SEMA3D: variants seen among roughly 807,000 people sequenced by gnomAD.
SEMA3D encodes semaphorin 3D.
Under a neutral mutation model 100.1 loss-of-function variants are expected in SEMA3D, and 84 were observed. The ratio of observed to expected loss-of-function variants is 0.84; its 90% confidence interval spans 0.70 to 1.01. SEMA3D has a LOEUF of 1.01. Among genes scored for constraint, SEMA3D ranks in the 50% least tolerant of loss-of-function variants. The pLI, the probability that SEMA3D is intolerant of heterozygous loss-of-function variation, is 0.00. For synonymous variants in SEMA3D, 312 were observed against 320.7 expected (o/e 0.97, Z 0.29); for missense variants, 875 against 934.1 (o/e 0.94, Z 0.82).
At position 84,996,770 on chromosome 7, in the gene SEMA3D, G is replaced by A. The variant is rs969396884; in HGVS notation, c.*2670C>T. On this transcript the variant is annotated 3_prime_UTR_variant, in exon 19 of 19. Transcript: ENST00000284136. ...AAACAGGCATTTTAAGATCCCCTCC[G>A]CAGAGTCAATTTCTTAGCATATTTG... 1.3e-5 allele frequency: 2 copies of A among 151,860 alleles called. No individual in the cohort carries two copies. The highest frequency in any genetic ancestry group is 4.8e-5 in the African/African-American group (2 of 41,390). 9.4% of individuals were successfully genotyped at this position (151,860 alleles called of 1,614,324 possible).
intron 1 of SEMA3D, among the ~76,000 whole-genome samples, chr7:85,179,255 A>G (rs1791327905): frequency 6.6e-6 from 1 of 152,188 alleles, no homozygotes; most frequent in African/African-American, 2.4e-5. Flanking sequence ...TCAAGACTCC[A>G]GAATGGTAGA....
At chr7:85,109,153 C>T (rs1789016462) in intron 3 of SEMA3D, among the ~76,000 whole-genome samples, 1 of 151,804 alleles carries the variant, frequency 6.6e-6, no homozygotes, top group Non-Finnish European at 1.5e-5. Flanking sequence ...TGGTTTGTAA[C>T]ATCTGAGGAA....
At chr7:85,081,447 C>T (rs892123765) in intron 5 of SEMA3D, 70 bp downstream of exon 5, 11 of 983,414 alleles carry the variant, frequency 1.1e-5, no homozygotes, top group Middle Eastern at 2.1e-4. Flanking sequence ...TTCAGTAAAG[C>T]CCAATATAAA....
intron 2 of SEMA3D, among the ~76,000 whole-genome samples, chr7:85,147,269 A>G (rs1378703684): frequency 6.6e-6 from 1 of 150,932 alleles, no homozygotes; most frequent in African/African-American, 2.4e-5. Flanking sequence ...TGCCCGGCTA[A>G]TTTTGTATTT....
At chr7:85,107,722 C>T (rs75899641) in intron 3 of SEMA3D, among the ~76,000 whole-genome samples, 2,137 of 151,956 alleles carry the variant, frequency 0.014, 52 homozygotes, top group African/African-American at 0.048. Flanking sequence ...CTCTTCTTTC[C>T]TCTGTTTATA....
chr7:85,088,856 T>C (rs1359177037), intron 4 of SEMA3D, among the ~76,000 whole-genome samples: 1 of 152,202 alleles, frequency 6.6e-6, no homozygotes, highest in Non-Finnish European at 1.5e-5. Flanking sequence ...ATGATTTTTC[T>C]GCATGAAGCC....
chr7:85,239,572 A>T, the SEMA3D span, among the ~76,000 whole-genome samples: 1 of 152,200 alleles, frequency 6.6e-6, no homozygotes, highest in Non-Finnish European at 1.5e-5. Context: ...CTGAGAGTCG[A>T]CATTTCTATG....
At chr7:85,070,105 T>C (rs1791731340) in intron 6 of SEMA3D, among the ~76,000 whole-genome samples, 1 of 152,220 alleles carries the variant, frequency 6.6e-6, no homozygotes, top group Admixed American at 6.5e-5. Flanking sequence ...TTATACAGTA[T>C]GCATACAGCC....
At chr7:85,064,025 A>G (rs1408549573) in intron 8 of SEMA3D, among the ~76,000 whole-genome samples, 1 of 152,186 alleles carries the variant, frequency 6.6e-6, no homozygotes, top group Non-Finnish European at 1.5e-5. Flanking sequence ...TTCTTCATAC[A>G]GTACTAAAAA....
intron 2 of SEMA3D, among the ~76,000 whole-genome samples, chr7:85,137,615 C>A (rs956050793): frequency 6.6e-6 from 1 of 152,058 alleles, no homozygotes; most frequent in African/African-American, 2.4e-5. Context: ...GTATTCTGGA[C>A]TTGACCCATA....
the SEMA3D span, among the ~76,000 whole-genome samples, chr7:85,194,265 T>A: frequency 6.6e-6 from 1 of 152,076 alleles, no homozygotes; most frequent in Non-Finnish European, 1.5e-5. Context: ...TGAGAGGAGA[T>A]AGCATTGCTT....
intron 1 of SEMA3D, among the ~76,000 whole-genome samples, chr7:85,157,012 A>C (rs1167874469): frequency 6.6e-6 from 1 of 152,190 alleles, no homozygotes; most frequent in Non-Finnish European, 1.5e-5. Context: ...TACTCTTTAT[A>C]AAGATAAACA....
At chr7:85,016,542 C>T (rs1343883276) in intron 15 of SEMA3D, among the ~76,000 whole-genome samples, 1 of 151,484 alleles carries the variant, frequency 6.6e-6, no homozygotes, top group Non-Finnish European at 1.5e-5. Flanking sequence ...CTATTTCCTC[C>T]CCTCCCTTGC....
intron 3 of SEMA3D, among the ~76,000 whole-genome samples, chr7:85,116,024 T>C (rs1196856441): frequency 6.6e-6 from 1 of 151,982 alleles, no homozygotes; most frequent in Non-Finnish European, 1.5e-5. Flanking sequence ...ATAGGAGTAT[T>C]TCATTGTAAT....
chr7:85,162,604 A>C (rs1790776125), intron 1 of SEMA3D, among the ~76,000 whole-genome samples: 2 of 152,128 alleles, frequency 1.3e-5, no homozygotes, highest in African/African-American at 4.8e-5. Flanking sequence ...CAGCATTTAG[A>C]ACAAAAGGAC....
intron 2 of SEMA3D, among the ~76,000 whole-genome samples, chr7:85,131,857 T>C (rs556990911): frequency 5.3e-5 from 8 of 152,018 alleles, no homozygotes; most frequent in East Asian, 3.9e-4. Context: ...TAGTATAGTA[T>C]GGTTTAAAGG....
chr7:85,215,854 A>G, the SEMA3D span, among the ~76,000 whole-genome samples: 8 of 152,216 alleles, frequency 5.3e-5, no homozygotes, highest in African/African-American at 1.4e-4. Flanking sequence ...TCAGATAATT[A>G]TAGATAATTT....
chr7:85,197,844 C>A, the SEMA3D span, among the ~76,000 whole-genome samples: 4 of 152,048 alleles, frequency 2.6e-5, no homozygotes, highest in Admixed American at 2.6e-4. Flanking sequence ...TCTGAAATAG[C>A]CTCACATTAG....
the SEMA3D span, among the ~76,000 whole-genome samples, chr7:85,202,245 T>C: frequency 2.4e-5 from 3 of 124,096 alleles, no homozygotes; most frequent in Non-Finnish European, 4.7e-5. Context: ...AATGTGATGT[T>C]CCCTTTCCTG....
Sources: gnomAD v4.1 joint callset for allele counts (sites outside exome capture counted in the v4.1 genomes callset) on GRCh38, gnomAD v4.1.1 for gene constraint, MANE v1.5 for transcripts, NCBI Gene and HGNC (gene_info 2026-07-23, HGNC 2026-07-21) for gene names.